Variants in LMF1 observed in about 807,000 individuals in gnomAD.
LMF1 encodes the protein lipase maturation factor 1, also known as transmembrane protein 112.
Under a neutral mutation model 60.6 loss-of-function variants are expected in LMF1, and 68 were observed. The ratio of observed to expected loss-of-function variants is 1.12; its 90% CI spans 0.92 to 1.37. The LOEUF (loss-of-function observed/expected upper bound fraction) is 1.37, where lower values mean the gene tolerates loss of function less well. LMF1 is among the 40% of genes most tolerant of loss of function. The pLI is 0.00. For synonymous variants in LMF1, 418 were observed against 324.7 expected (o/e 1.29, Z -3.09); for missense variants, 948 against 767.2 (o/e 1.24, Z -2.78).
rs1211742074 is a variant in LMF1, at chr16:943,114, G to A, written c.504-8860C>T. Among the ~76,000 whole-genome samples the A allele has an allele frequency of 4.6e-5, 7 of 152,170 alleles. No homozygotes were observed. The East Asian group carries it at 1.2e-3, about 25-fold the overall frequency. Reference sequence around the variant, plus strand: ...CGGCCGGGCACGGTGGCTCACGCCTGTAATCCCAGCACTTTGGGAGGCCGA... The same window carrying A: ...CGGCCGGGCACGGTGGCTCACGCCTATAATCCCAGCACTTTGGGAGGCCGA... On this transcript the variant is annotated intron_variant, in intron 2 of 10. Coordinates refer to ENST00000262301, the MANE Select transcript of LMF1 (RefSeq NM_022773.4).
At chr16:976,844 C>T in intron 1 of LMF1, 1 of 454,154 alleles carries the variant, frequency 2.2e-6, no homozygotes, top group Non-Finnish European at 4.4e-6. Flanking sequence ...TGAATCCTTT[C>T]CACATGCGAA....
At chr16:920,142 C>T (rs1001462036) in intron 3 of LMF1, among the ~76,000 whole-genome samples, 3 of 152,034 alleles carry the variant, frequency 2.0e-5, no homozygotes, top group Non-Finnish European at 2.9e-5. Flanking sequence ...GGGCCCCCAA[C>T]AAGACATTCA....
At chr16:957,269 A>C (rs1211937002) in intron 1 of LMF1, among the ~76,000 whole-genome samples, 1 of 152,188 alleles carries the variant, frequency 6.6e-6, no homozygotes, top group Non-Finnish European at 1.5e-5. Flanking sequence ...TGCGTGTAGG[A>C]ATCTGGCTTG....
At chr16:976,451 A>C in intron 1 of LMF1, 2 of 454,104 alleles carry the variant, frequency 4.4e-6, no homozygotes, top group South Asian at 3.1e-5. Context: ...CGTTGATTCC[A>C]AGTCTCAGAC....
chr16:879,849 C>A, intron 5 of LMF1, 112 bp from the exon 6 acceptor site: 2 of 1,073,598 alleles, frequency 1.9e-6, no homozygotes, highest in Non-Finnish European at 1.3e-6. Context: ...CACACAGGAT[C>A]CCCCCGGCCC....
At chr16:928,660 G>A (rs117904552) in intron 3 of LMF1, among the ~76,000 whole-genome samples, 1,865 of 151,706 alleles carry the variant, frequency 0.012, 23 homozygotes, top group South Asian at 0.097. Context: ...TCAACAGCCC[G>A]GTTCCCTGCA....
intron 10 of LMF1, among the ~76,000 whole-genome samples, chr16:861,187 G>A (rs2069453593): frequency 6.6e-6 from 1 of 152,052 alleles, no homozygotes; most frequent in Non-Finnish European, 1.5e-5. Context: ...TGCATGTTTT[G>A]TCAGGTTTAT....
chr16:954,749 G>T, intron 1 of LMF1, 83 bp from the exon 2 acceptor site: 1 of 1,319,474 alleles, frequency 7.6e-7, no homozygotes, highest in Non-Finnish European at 1.0e-6. Context: ...AATGCGGGGC[G>T]AGGCAGGCGG....
chr16:866,392 C>T (rs1001067457), intron 10 of LMF1, among the ~76,000 whole-genome samples: 4 of 152,096 alleles, frequency 2.6e-5, no homozygotes, highest in Admixed American at 6.5e-5. Flanking sequence ...GACACTATGG[C>T]GGGGGTGGCC....
chr16:869,657 C>T, intron 9 of LMF1: 1 of 656,004 alleles, frequency 1.5e-6, no homozygotes, highest in Non-Finnish European at 2.8e-6. Flanking sequence ...GAGACACTAC[C>T]TGGCAGACCC....
In LMF1 at chr16:955,384, CGCGGTGTGTGCAT is replaced by C. The variant is rs2072666058; in HGVS notation, c.194-731_194-719del. On this transcript the variant is annotated intron_variant, in intron 1 of 10. Transcript: ENST00000262301. ...ACATAAAATGCGTGCCCGCAGCAGA[CGCGGTGTGTGCAT>C]ACACGCACACACATGTAAGTGAACC... Among the ~76,000 whole-genome samples, 102 of 98,232 alleles carry C rather than the reference CGCGGTGTGTGCAT, an allele frequency of 1.0e-3. 2 individuals are homozygous for C. Among genetic ancestry groups the C allele is most frequent in the African/African-American group, 2.5e-3 (46 of 18,196 alleles). 64.4% of individuals were successfully genotyped at this position (98,232 alleles called of 152,430 possible). A position where few individuals can be genotyped will look rare whatever the true frequency, so the allele number is the denominator to read the frequency against.
chr16:866,316 G>A (rs993747004), intron 10 of LMF1, among the ~76,000 whole-genome samples: 25 of 152,216 alleles, frequency 1.6e-4, no homozygotes, highest in Non-Finnish European at 1.9e-4. Context: ...TCCAGTGGAC[G>A]CATTGGGAGT....
chr16:923,376 G>A (rs1363706825), intron 3 of LMF1, among the ~76,000 whole-genome samples: 4 of 152,130 alleles, frequency 2.6e-5, no homozygotes, highest in African/African-American at 7.2e-5. Context: ...TAACTCTGCC[G>A]GCTGAGGGGC....
chr16:974,771 G>A (rs553024445), upstream of LMF1, among the ~76,000 whole-genome samples: 8 of 152,342 alleles, frequency 5.3e-5, no homozygotes, highest in Admixed American at 2.0e-4. Flanking sequence ...CCAGCACCCC[G>A]GCCTGGCAGC....
intron 10 of LMF1, among the ~76,000 whole-genome samples, chr16:859,996 T>G (rs1416179527): frequency 6.7e-6 from 1 of 149,108 alleles, no homozygotes; most frequent in Non-Finnish European, 1.5e-5. Flanking sequence ...GTTATGGTGG[T>G]TTTTGCTTCT....
intron 2 of LMF1, among the ~76,000 whole-genome samples, chr16:938,402 C>T (rs1352724597): frequency 4.0e-5 from 6 of 150,174 alleles, no homozygotes; most frequent in East Asian, 2.0e-4. Flanking sequence ...CGGCGGCTCG[C>T]GGGGACAGCA....
chr16:918,052 G>T (rs1018203019), intron 3 of LMF1, among the ~76,000 whole-genome samples: 40 of 152,370 alleles, frequency 2.6e-4, no homozygotes, highest in Middle Eastern at 3.4e-3. Context: ...GGCTGGCTGG[G>T]TTAAACCAGA....
chr16:871,135 C>A (rs2069776002), intron 7 of LMF1, 26 bp downstream of exon 7: 2 of 1,540,094 alleles, frequency 1.3e-6, no homozygotes, highest in African/African-American at 2.7e-5. Context: ...TGCCCTTGGG[C>A]AGGGGCCCCC....
chr16:868,341 T>C (rs1028332538), intron 10 of LMF1, among the ~76,000 whole-genome samples: 1 of 152,126 alleles, frequency 6.6e-6, no homozygotes, highest in Non-Finnish European at 1.5e-5. Context: ...GGGTCCTTAG[T>C]GTCTCCCTGT....
Sources: allele counts gnomAD v4.1 joint callset (sites outside exome capture counted in the v4.1 genomes callset), GRCh38; gene constraint gnomAD v4.1.1; transcripts MANE v1.5; gene names NCBI Gene and HGNC (gene_info 2026-07-23, HGNC 2026-07-21).